The following C3orf49 variants were observed in gnomAD, a reference collection of about 807,000 sequenced individuals.
The protein encoded by C3orf49 is putative uncharacterized protein C3orf49.
C3orf49 carries 27 observed loss-of-function variants against 13.3 expected under a neutral mutation model. That is an observed-to-expected ratio of 2.02 (90% CI 1.49 to 2.79). The LOEUF is 2.79. Ranked by LOEUF, C3orf49 falls within the 30% of genes most tolerant of loss-of-function variation. The probability of loss-of-function intolerance (pLI) is 0.00; values close to 1 mark genes in which losing one functional copy is unlikely to be tolerated. For synonymous variants in C3orf49, 87 were observed against 47.6 expected, an observed-to-expected ratio of 1.83 and a Z score of -3.40; for missense variants, 242 against 134.2, an observed-to-expected ratio of 1.80 and a Z score of -3.97.
the C3orf49 span, among the ~76,000 whole-genome samples, chr3:63,792,328 T>A: frequency 1.3e-5 from 2 of 152,270 alleles, no homozygotes; most frequent in Non-Finnish European, 2.9e-5. Flanking sequence ...AAAGCTTTTC[T>A]TAAAATCACT....
chr3:63,795,665 G>T, the C3orf49 span, among the ~76,000 whole-genome samples: 2 of 152,014 alleles, frequency 1.3e-5, no homozygotes, highest in Non-Finnish European at 1.5e-5. Context: ...TGTACAAACT[G>T]GTAATTCCAC....
At chr3:63,812,681 G>C in the C3orf49 span, among the ~76,000 whole-genome samples, 1 of 152,008 alleles carries the variant, frequency 6.6e-6, no homozygotes, top group Non-Finnish European at 1.5e-5. Flanking sequence ...CATCAATTGA[G>C]TTGTTTTATG....
At chr3:63,818,136 G>A (rs1464367554), upstream of C3orf49, among the ~76,000 whole-genome samples, 1 of 152,088 alleles carries the variant, frequency 6.6e-6, no homozygotes, top group Non-Finnish European at 1.5e-5. Context: ...CACTCTCCTA[G>A]AATATGGATT....
chr3:63,819,701 T>C (rs1701370483), intron 1 of C3orf49, 105 bp downstream of exon 1: 2 of 662,478 alleles, frequency 3.0e-6, no homozygotes, highest in East Asian at 2.7e-5. Flanking sequence ...TCTGGATGGA[T>C]TGGCGGGGAG....
Position 63,831,220 on chromosome 3 carries a change from G to T in C3orf49, c.681G>T (p.Met227Ile). 1 of 702,136 alleles carries T rather than the reference G, an allele frequency of 1.4e-6. No individual in the cohort carries two copies. 43.5% of individuals were successfully genotyped at this position (702,136 alleles called of 1,614,324 possible). Residue 227 changes from methionine to isoleucine, a missense_variant, in exon 4 of 7, where the codon ATG becomes ATT. Transcript: ENST00000295896. The stretch of plus-strand genomic sequence containing the variant: ...ATTTGACAGTAGGAAAGCTTCAAAT[G>T]CAGGTAGTGGACAAAGGCTTTTAAC... ...KSDLTVGKLQ[M>I]QVDDLIETVT...
intron 3 of C3orf49, among the ~76,000 whole-genome samples, chr3:63,829,734 G>A (rs140980914): frequency 0.019 from 2,869 of 152,182 alleles, 50 homozygotes; most frequent in Middle Eastern, 0.044. Context: ...GCTGGTAAGG[G>A]AGGATCTCTT....
At chr3:63,816,810 T>G (rs559579011), upstream of C3orf49, among the ~76,000 whole-genome samples, 4 of 135,466 alleles carry the variant, frequency 3.0e-5, no homozygotes, top group Non-Finnish European at 6.2e-5. Context: ...TCTTGCTCTG[T>G]CGCCCAGGCT....
chr3:63,829,960 C>A (rs1259686197), intron 3 of C3orf49, among the ~76,000 whole-genome samples: 1 of 152,100 alleles, frequency 6.6e-6, no homozygotes, highest in Non-Finnish European at 1.5e-5. Flanking sequence ...AGTGAGACCT[C>A]ATCTTAAAAT....
chr3:63,827,748 C>T, intron 3 of C3orf49, 23 bp downstream of exon 3: 1 of 701,102 alleles, frequency 1.4e-6, no homozygotes, highest in Non-Finnish European at 2.6e-6. Context: ...ATGAATTTGC[C>T]TCTGAAGACT....
At chr3:63,823,212 T>C in intron 1 of C3orf49, 38 bp from the exon 2 acceptor site, 1 of 626,520 alleles carries the variant, frequency 1.6e-6, no homozygotes, top group Non-Finnish European at 2.9e-6. Context: ...TTTTAACTTT[T>C]CAGTTTCCCT....
At chr3:63,785,052 TTC>T in the C3orf49 span, among the ~76,000 whole-genome samples, 1 of 147,446 alleles carries the variant, frequency 6.8e-6, no homozygotes, top group East Asian at 2.0e-4. Flanking sequence ...TCCACTGGAC[TTC>T]TCTTCTTCTT....
chr3:63,816,866 G>A (rs987741317), upstream of C3orf49, among the ~76,000 whole-genome samples: 15 of 139,314 alleles, frequency 1.1e-4, no homozygotes, highest in Non-Finnish European at 2.0e-4. Context: ...TCTGCCTCCC[G>A]TGTTCACGCC....
chr3:63,802,260 T>G, the C3orf49 span, among the ~76,000 whole-genome samples: 1 of 152,234 alleles, frequency 6.6e-6, no homozygotes, highest in African/African-American at 2.4e-5. Flanking sequence ...ATTTGGTGGT[T>G]GTTGGTTTTT....
the C3orf49 span, among the ~76,000 whole-genome samples, chr3:63,812,032 G>A: frequency 6.6e-6 from 1 of 152,126 alleles, no homozygotes. Flanking sequence ...GCGGTAAACT[G>A]AGAACTTGTT....
At chr3:63,810,099 T>G in the C3orf49 span, among the ~76,000 whole-genome samples, 1 of 149,016 alleles carries the variant, frequency 6.7e-6, no homozygotes, top group South Asian at 2.1e-4. Context: ...TGAGCCGAGA[T>G]CACACCACTG....
chr3:63,812,274 T>G, the C3orf49 span, among the ~76,000 whole-genome samples: 2 of 152,208 alleles, frequency 1.3e-5, no homozygotes, highest in African/African-American at 4.8e-5. Context: ...AAATGATGGC[T>G]GATGAGCTAA....
chr3:63,788,754 G>A, the C3orf49 span, among the ~76,000 whole-genome samples: 1 of 151,532 alleles, frequency 6.6e-6, no homozygotes, highest in Admixed American at 6.6e-5. Flanking sequence ...AAAAAACTGA[G>A]GTACAGAAAG....
rs1215190828 is a variant in C3orf49, at chr3:63,845,175, CTTTAAGTA to C, written c.*30+100_*30+107del. ...CCCCCTCAGATCTGAGCTCTGCTCT[CTTTAAGTA>C]TTTAAGCTCGCTGATATCTTTGGCT... On this transcript the variant is annotated intron_variant, in intron 6 of 6. Transcript: ENST00000295896. The C allele has an allele frequency of 4.0e-5, 21 of 524,212 alleles. No homozygotes were observed. The East Asian group carries it at 5.8e-4, about 15-fold the overall frequency. The allele number at this position is 524,212 out of a possible 1,614,324, so 32.5% of individuals were successfully genotyped here.
rs963327863 is a variant in C3orf49 at position 63,838,571 on chromosome 3, C to A, written c.850-6452C>A. The A allele has an allele frequency of 5.1e-6, 7 of 1,385,162 alleles. No homozygotes were observed. In the African/African-American group the frequency reaches 9.1e-5, roughly 18 times the overall value. 85.8% of individuals were successfully genotyped at this position (1,385,162 alleles called of 1,614,324 possible). ...CAAAAGTGAACTGTTATAATGCAGACAAATATTTGCTAATTAAATTATAGC... is the reference window on the plus strand; with the variant it reads ...CAAAAGTGAACTGTTATAATGCAGAAAAATATTTGCTAATTAAATTATAGC... On this transcript the variant is annotated intron_variant, in intron 5 of 6. Coordinates refer to ENST00000295896, the MANE Select transcript of C3orf49 (RefSeq NM_001355236.2).
Sources: allele counts gnomAD v4.1 joint callset (sites outside exome capture counted in the v4.1 genomes callset), GRCh38; gene constraint gnomAD v4.1.1; transcripts MANE v1.5; gene names NCBI Gene and HGNC (gene_info 2026-07-23, HGNC 2026-07-21).